Variants in ACTR2 observed in about 807,000 individuals in gnomAD.
ACTR2 encodes actin related protein 2, also known as actin-related protein 2.
ACTR2 carries 5 observed loss-of-function variants against 50.2 expected under a neutral mutation model. The observed-to-expected ratio is 0.10, with a 90% CI of 0.05 to 0.21. ACTR2 has a LOEUF of 0.21. ACTR2 is among the 10% of genes least tolerant of loss of function. The pLI is 1.00. For missense variants in ACTR2, 180 were observed against 480.6 expected (o/e 0.37, Z 5.85); for synonymous variants, 140 against 162.9 (o/e 0.86, Z 1.07).
chr2:65,247,502 G>A (rs989387782), intron 3 of ACTR2, among the ~76,000 whole-genome samples: 6 of 152,214 alleles, frequency 3.9e-5, no homozygotes, highest in African/African-American at 1.4e-4. Context: ...GCAGGAGAAT[G>A]ACGTGAACCC....
Position 65,271,108 on chromosome 2 carries a change from T to C in ACTR2, c.*2374T>C, listed in dbSNP as rs779000672. On this transcript the variant is annotated 3_prime_UTR_variant, in exon 9 of 9. Coordinates refer to ENST00000260641, the MANE Select transcript of ACTR2 (RefSeq NM_005722.4). ...TTAAACTTTTTTCTTTAAAACATGGTTTTGGTGGTTAACTTTTACACAGTT... is the reference window on the plus strand; with the variant it reads ...TTAAACTTTTTTCTTTAAAACATGGCTTTGGTGGTTAACTTTTACACAGTT... 6 of 152,146 alleles carry C rather than the reference T, an allele frequency of 3.9e-5. No individual in the cohort carries two copies. The highest frequency in any genetic ancestry group is 1.4e-4 in the African/African-American group (6 of 41,438). 9.4% of individuals were successfully genotyped at this position (152,146 alleles called of 1,614,324 possible). A position where few individuals can be genotyped will look rare whatever the true frequency, so the allele number is the denominator to read the frequency against.
intron 1 of ACTR2, among the ~76,000 whole-genome samples, chr2:65,232,398 G>A (rs1289529760): frequency 6.6e-6 from 1 of 152,186 alleles, no homozygotes; most frequent in Non-Finnish European, 1.5e-5. Flanking sequence ...AGTTGATTGT[G>A]GCCTGCTTTA....
chr2:65,243,292 A>C (rs1232355774), intron 2 of ACTR2, among the ~76,000 whole-genome samples: 1 of 151,872 alleles, frequency 6.6e-6, no homozygotes, highest in Non-Finnish European at 1.5e-5. Flanking sequence ...AAAGAAAAGA[A>C]AAGGAAAGAG....
chr2:65,262,306 T>C (rs1202315740), intron 7 of ACTR2, among the ~76,000 whole-genome samples: 3 of 152,166 alleles, frequency 2.0e-5, no homozygotes, highest in African/African-American at 7.2e-5. Flanking sequence ...CTTGGCTCAC[T>C]GCAACCTCTG....
At chr2:65,242,491 A>G (rs1217945502) in intron 2 of ACTR2, 1 of 349,488 alleles carries the variant, frequency 2.9e-6, no homozygotes, top group African/African-American at 2.1e-5. Context: ...TAGCCTGTAT[A>G]TATATTTGCA....
intron 3 of ACTR2, among the ~76,000 whole-genome samples, chr2:65,248,469 C>A (rs1165419373): frequency 6.6e-6 from 1 of 151,990 alleles, no homozygotes; most frequent in Non-Finnish European, 1.5e-5. Flanking sequence ...AAAGGAGATG[C>A]TCAGATTTAG....
intron 1 of ACTR2, among the ~76,000 whole-genome samples, chr2:65,235,943 G>A (rs1671731561): frequency 6.6e-6 from 1 of 152,094 alleles, no homozygotes; most frequent in South Asian, 2.1e-4. Context: ...TGAGGTGAAA[G>A]GATAGGAATT....
rs912221621 is a variant in ACTR2, at chr2:65,269,968, A to G, written c.*1234A>G. Reference sequence around the variant, plus strand: ...TAATCATAACTGTTAATTCTCAGCCATCTTTGAAGCTTGAAAGAAGAGTCT... The same window carrying G: ...TAATCATAACTGTTAATTCTCAGCCGTCTTTGAAGCTTGAAAGAAGAGTCT... On this transcript the variant is annotated 3_prime_UTR_variant, in exon 9 of 9. Coordinates refer to ENST00000260641, the MANE Select transcript of ACTR2 (RefSeq NM_005722.4). 6.6e-6 allele frequency: 1 copy of G among 152,216 alleles called. No individual in the cohort carries two copies. The highest frequency in any genetic ancestry group is 2.4e-5 in the African/African-American group (1 of 41,460). The allele number at this position is 152,216 out of a possible 1,614,324, so 9.4% of individuals were successfully genotyped here. A position where few individuals can be genotyped will look rare whatever the true frequency, so the allele number is the denominator to read the frequency against.
intron 6 of ACTR2, among the ~76,000 whole-genome samples, chr2:65,258,949 G>A (rs1672206811): frequency 6.6e-6 from 1 of 151,932 alleles, no homozygotes. Context: ...TTTTTTAAGG[G>A]TATAAGTTTT....
chr2:65,259,037 A>G (rs1401040077), intron 6 of ACTR2, among the ~76,000 whole-genome samples: 1 of 151,474 alleles, frequency 6.6e-6, no homozygotes, highest in Non-Finnish European at 1.5e-5. Context: ...CAGTGGCATG[A>G]TCTCGGCTCA....
chr2:65,242,181 T>A, intron 2 of ACTR2: 1 of 726,670 alleles, frequency 1.4e-6, no homozygotes, highest in Non-Finnish European at 2.4e-6. Flanking sequence ...ATTTTTATTT[T>A]AAGTACTTTG....
chr2:65,251,306 A>T (rs971526531), intron 4 of ACTR2, among the ~76,000 whole-genome samples: 1 of 15,822 alleles, frequency 6.3e-5, no homozygotes, highest in Admixed American at 7.2e-4. Context: ...ATTTAAGGTA[A>T]AAAAAAAAGG....
At chr2:65,244,089 C>G (rs750758731) in intron 2 of ACTR2, among the ~76,000 whole-genome samples, 1 of 152,082 alleles carries the variant, frequency 6.6e-6, no homozygotes, top group Non-Finnish European at 1.5e-5. Context: ...ATACTCAATT[C>G]CAAACATTTC....
At chr2:65,255,417 T>TA in intron 5 of ACTR2, 128 bp from the exon 6 acceptor site, 1 of 712,222 alleles carries the variant, frequency 1.4e-6, no homozygotes, top group Non-Finnish European at 2.2e-6. Flanking sequence ...TCTGAAATAG[T>TA]AGGAGCTGAG....
In ACTR2 at chr2:65,261,260, G is replaced by A. The variant is rs1420649037; in HGVS notation, c.749G>A (p.Arg250His). ...CTTGGTTTCTAGCTCCCAGATGGAC[G>A]TATCATCAAAGTTGGGGGAGAGAGA... The part of the protein sequence containing the change: ...LVESYTLPDG[R>H]IIKVGGERFE... Residue 250 changes from arginine to histidine, a missense_variant, in exon 7 of 9, where the codon CGT becomes CAT. By Grantham distance (29) the Arg-to-His change is conservative. Transcript: ENST00000260641. The A allele has an allele frequency of 2.5e-6, 4 of 1,613,994 alleles. No homozygotes were observed. Among genetic ancestry groups the A allele is most frequent in the Admixed American group, 3.3e-5 (2 of 60,006 alleles).
intron 1 of ACTR2, among the ~76,000 whole-genome samples, chr2:65,238,516 G>A (rs1394815054): frequency 6.6e-6 from 1 of 151,768 alleles, no homozygotes; most frequent in East Asian, 1.9e-4. Context: ...AAAATTAGCT[G>A]GGTATGGTGG....
intron 1 of ACTR2, among the ~76,000 whole-genome samples, chr2:65,232,622 G>A (rs1671660546): frequency 2.0e-5 from 3 of 151,922 alleles, no homozygotes; most frequent in Non-Finnish European, 4.4e-5. Flanking sequence ...TATTAAATAA[G>A]CCCAAATGGG....
intron 1 of ACTR2, among the ~76,000 whole-genome samples, chr2:65,237,746 G>A (rs1465191938): frequency 6.6e-6 from 1 of 152,032 alleles, no homozygotes; most frequent in East Asian, 1.9e-4. Context: ...CCAGCACTTT[G>A]GGAGGCCGAG....
At chr2:65,246,859 T>G in intron 3 of ACTR2, 120 bp downstream of exon 3, 2 of 757,294 alleles carry the variant, frequency 2.6e-6, no homozygotes, top group Admixed American at 3.1e-5. Flanking sequence ...TCAGATCTTA[T>G]TAAGTATCTA....
Sources: allele counts gnomAD v4.1 joint callset (sites outside exome capture counted in the v4.1 genomes callset), GRCh38; gene constraint gnomAD v4.1.1; transcripts MANE v1.5; gene names NCBI Gene and HGNC (gene_info 2026-07-23, HGNC 2026-07-21).